PTPRG: variants seen among roughly 807,000 people sequenced by gnomAD.
PTPRG encodes the protein protein tyrosine phosphatase receptor type G, also known as receptor-type tyrosine-protein phosphatase gamma.
Under a neutral mutation model 165.3 loss-of-function variants are expected in PTPRG, and 102 were observed. The ratio of observed to expected loss-of-function variants is 0.62; its 90% CI spans 0.53 to 0.73. The LOEUF (loss-of-function observed/expected upper bound fraction) is 0.73, where lower values mean the gene tolerates loss of function less well. PTPRG is among the 30% of genes least tolerant of loss of function. PTPRG has a pLI of 0.00. For synonymous variants in PTPRG, 675 were observed against 669.5 expected, an observed-to-expected ratio of 1.01 and a Z score of -0.13; for missense variants, 1,866 against 1,861.4, an observed-to-expected ratio of 1.00 and a Z score of -0.05.
chr3:62,049,865 A>G (rs1700416375), intron 4 of PTPRG, among the ~76,000 whole-genome samples: 1 of 152,230 alleles, frequency 6.6e-6, no homozygotes. Flanking sequence ...GGCTTTCTAT[A>G]GACTTTCTCA....
intron 2 of PTPRG, among the ~76,000 whole-genome samples, chr3:61,882,254 G>C (rs1379895270): frequency 6.6e-6 from 1 of 152,224 alleles, no homozygotes; most frequent in East Asian, 1.9e-4. Context: ...CACAATTCCA[G>C]TGACTAGTTG....
intron 1 of PTPRG, among the ~76,000 whole-genome samples, chr3:61,563,404 C>G (rs1055011525): frequency 2.0e-5 from 3 of 152,110 alleles, no homozygotes; most frequent in Non-Finnish European, 4.4e-5. Flanking sequence ...GTTCCCCCTC[C>G]TCTCTCCCCT....
chr3:61,738,682 G>C (rs1340728085), intron 1 of PTPRG, among the ~76,000 whole-genome samples: 1 of 151,584 alleles, frequency 6.6e-6, no homozygotes, highest in Non-Finnish European at 1.5e-5. Context: ...CATTTTAAAT[G>C]AAAGATAACA....
intron 5 of PTPRG, among the ~76,000 whole-genome samples, chr3:62,102,273 C>T (rs1012494515): frequency 4.0e-5 from 6 of 151,782 alleles, no homozygotes; most frequent in African/African-American, 1.5e-4. Flanking sequence ...TCCTTTCTTC[C>T]CTTTCTTTTC....
At chr3:61,752,792 AAAAAAAAAAG>A (rs549197320) in intron 2 of PTPRG, among the ~76,000 whole-genome samples, 2,491 of 112,384 alleles carry the variant, frequency 0.022, 99 homozygotes, top group African/African-American at 0.073. Flanking sequence ...TCTCAAAAAA[AAAAAAAAAAG>A]AAAAAAAAAA....
At chr3:61,600,222 TAGAA>T (rs1427228429) in intron 1 of PTPRG, among the ~76,000 whole-genome samples, 2 of 115,670 alleles carry the variant, frequency 1.7e-5, no homozygotes, top group Non-Finnish European at 3.7e-5. Context: ...GTGTGTAAAA[TAGAA>T]TGAACTTTAT....
chr3:62,263,100 G>A (rs553514818), intron 17 of PTPRG: 13 of 497,194 alleles, frequency 2.6e-5, no homozygotes, highest in East Asian at 1.4e-4. Context: ...AGGGCTCAGC[G>A]AGCTTAATAA....
intron 4 of PTPRG, among the ~76,000 whole-genome samples, chr3:62,026,879 T>TAAAAAAAAAAAAAAAAAAAAAAAAAAA (rs200417191): frequency 1.5e-4 from 14 of 94,640 alleles, no homozygotes; most frequent in South Asian, 3.4e-4. Flanking sequence ...GAGTGAGAAT[T>TAAAAAAAAAAAAAAAAAAAAAAAAAAA]AAAAAAAAAA....
At chr3:61,716,292 A>T (rs35759422) in intron 1 of PTPRG, among the ~76,000 whole-genome samples, 26 of 152,132 alleles carry the variant, frequency 1.7e-4, no homozygotes, top group Non-Finnish European at 3.5e-4. Flanking sequence ...TGAATAATTT[A>T]CCCATAGAGT....
chr3:61,737,102 T>C (rs938761715), intron 1 of PTPRG, among the ~76,000 whole-genome samples: 3 of 152,174 alleles, frequency 2.0e-5, no homozygotes, highest in Non-Finnish European at 4.4e-5. Context: ...GCTGTTCCCC[T>C]GTCTTTGAAC....
At chr3:61,922,920 C>T (rs1014493399) in intron 2 of PTPRG, among the ~76,000 whole-genome samples, 1 of 152,152 alleles carries the variant, frequency 6.6e-6, no homozygotes, top group Non-Finnish European at 1.5e-5. Context: ...GGGTTACAAG[C>T]GTAAGCCACC....
chr3:61,605,793 TG>T (rs1700988780), intron 1 of PTPRG, among the ~76,000 whole-genome samples: 1 of 152,092 alleles, frequency 6.6e-6, no homozygotes, highest in Non-Finnish European at 1.5e-5. Flanking sequence ...AGGCTGGTCT[TG>T]AACTCCTGGC....
At chr3:62,125,954 G>T (rs1433226962) in intron 5 of PTPRG, among the ~76,000 whole-genome samples, 1 of 152,158 alleles carries the variant, frequency 6.6e-6, no homozygotes, top group South Asian at 2.1e-4. Context: ...ATCACCATGC[G>T]GGCCCCCACG....
At chr3:62,031,388 C>G (rs943269121) in intron 4 of PTPRG, among the ~76,000 whole-genome samples, 1 of 151,894 alleles carries the variant, frequency 6.6e-6, no homozygotes, top group African/African-American at 2.4e-5. Flanking sequence ...CTGCAGCAAG[C>G]CCCAGTGTTT....
At chr3:61,567,750 A>G (rs1218801074) in intron 1 of PTPRG, among the ~76,000 whole-genome samples, 1 of 151,726 alleles carries the variant, frequency 6.6e-6, no homozygotes, top group Non-Finnish European at 1.5e-5. Context: ...TGGGAGACCC[A>G]GGTGGGCAGA....
At chr3:62,204,340 G>A (rs62243878) in intron 12 of PTPRG, among the ~76,000 whole-genome samples, 1 of 152,100 alleles carries the variant, frequency 6.6e-6, no homozygotes, top group East Asian at 1.9e-4. Context: ...ACTGGGCAGG[G>A]TGCTGTCCCA....
In PTPRG at chr3:61,655,990, G is replaced by T. The variant is rs187483899; in HGVS notation, c.86-92888G>T. The stretch of plus-strand genomic sequence containing the variant: ...CCCTTTGTGGGAAGCTGAGGTGGGA[G>T]GATTGCTTCAGGCCCTGAGTTTGAT... On this transcript the variant is annotated intron_variant, in intron 1 of 29. Transcript: ENST00000474889. 2.4e-3 allele frequency among the ~76,000 whole-genome samples: 367 copies of T among 152,050 alleles called. 1 individual carries two copies. The highest frequency in any genetic ancestry group is 4.4e-3 in the Non-Finnish European group (301 of 67,982).
intron 2 of PTPRG, among the ~76,000 whole-genome samples, chr3:61,971,903 GC>G (rs2040393998): frequency 6.6e-6 from 1 of 152,248 alleles, no homozygotes; most frequent in African/African-American, 2.4e-5. Context: ...AAGTGAAACT[GC>G]GTTGTTATTT....
chr3:62,132,122 A>G (rs1039616313), intron 5 of PTPRG, among the ~76,000 whole-genome samples: 4 of 152,162 alleles, frequency 2.6e-5, no homozygotes, highest in Admixed American at 6.5e-5. Flanking sequence ...TAACTTTTAG[A>G]ATATGTGCTT....
Sources: gnomAD v4.1 joint callset for allele counts (sites outside exome capture counted in the v4.1 genomes callset) on GRCh38, gnomAD v4.1.1 for gene constraint, MANE v1.5 for transcripts, NCBI Gene and HGNC (gene_info 2026-07-23, HGNC 2026-07-21) for gene names.